The following COQ8A variants were observed in gnomAD, a reference collection of about 807,000 sequenced individuals.
COQ8A encodes the protein atypical kinase COQ8A, mitochondrial.
In COQ8A, 51 loss-of-function variants were observed where a neutral mutation model predicts 65.0. That is an observed-to-expected ratio of 0.78 (90% CI 0.63 to 0.99). The LOEUF is 0.99. Ranked by LOEUF, COQ8A falls within the 50% of genes least tolerant of loss-of-function variation. COQ8A has a pLI of 0.00. For missense variants in COQ8A, 940 were observed against 875.0 expected, an observed-to-expected ratio of 1.07 and a Z score of -0.94; for synonymous variants, 371 against 353.2, an observed-to-expected ratio of 1.05 and a Z score of -0.57.
chr1:226,984,017 T>G, intron 10 of COQ8A, 77 bp from the exon 11 acceptor site: 2 of 1,396,646 alleles, frequency 1.4e-6, no homozygotes, highest in Non-Finnish European at 1.9e-6. Flanking sequence ...GCCCTCTGCC[T>G]GGTTGGGGGG....
Position 226,982,725 on chromosome 1 carries a change from CG to C in COQ8A, c.903del (p.Gln302ArgfsTer8). The C allele has an allele frequency of 1.2e-6, 2 of 1,613,674 alleles. No homozygotes were observed. Among genetic ancestry groups the C allele is most frequent in the Non-Finnish European group, 1.7e-6 (2 of 1,180,024 alleles). On this transcript the variant is annotated frameshift_variant, in exon 7 of 15. Coordinates refer to ENST00000366777, the MANE Select transcript of COQ8A (RefSeq NM_020247.5). LOFTEE classifies it high-confidence loss of function. ...PHLAKIFERV[R>X]QSADFMPLKQ... The stretch of plus-strand genomic sequence containing the variant: ...CCTGGCTAAGATCTTCGAGCGGGTG[CG>C]GCAGAGCGCGGACTTCATGCCACTG...
At chr1:226,983,479 T>C (rs977584441) in intron 8 of COQ8A, 73 bp from the exon 9 acceptor site, 3 of 1,409,930 alleles carry the variant, frequency 2.1e-6, no homozygotes, top group Non-Finnish European at 3.0e-6. Flanking sequence ...CAGTTGGGGG[T>C]TGGGGGAGTG....
chr1:226,981,768 TTGTG>T (rs976040673), intron 5 of COQ8A, among the ~76,000 whole-genome samples: 1 of 152,070 alleles, frequency 6.6e-6, no homozygotes, highest in Non-Finnish European at 1.5e-5. Flanking sequence ...GAGAGGCCCT[TTGTG>T]TGTGTGCGTT....
chr1:226,966,736 T>C (rs546048991), intron 4 of COQ8A, among the ~76,000 whole-genome samples: 2 of 151,600 alleles, frequency 1.3e-5, no homozygotes, highest in African/African-American at 4.9e-5. Context: ...CCATCCATCA[T>C]ACATGCTGTT....
intron 5 of COQ8A, among the ~76,000 whole-genome samples, chr1:226,977,989 A>T (rs1659354837): frequency 7.1e-6 from 1 of 140,540 alleles, no homozygotes; most frequent in South Asian, 2.3e-4. Context: ...GAACACCCAC[A>T]CACCTCCTTA....
rs1397581552 is a variant in COQ8A, at chr1:226,976,183, CGGGACTGCGGGGCTGT to C, written c.656-1256_656-1241del. On this transcript the variant is annotated intron_variant, in intron 4 of 14. Transcript: ENST00000366777. ...GCGATGTTGCCTGGCTGCGGGGCTG[CGGGACTGCGGGGCTGT>C]GGGACTGCGATGTTGCCTGGCTGCG... Among the ~76,000 whole-genome samples, 252 of 6,956 alleles carry C rather than the reference CGGGACTGCGGGGCTGT, an allele frequency of 0.036. 11 individuals carry two copies. Among genetic ancestry groups the C allele is most frequent in the East Asian group, 0.27 (174 of 642 alleles). The allele number at this position is 6,956 out of a possible 152,430, so 4.6% of individuals were successfully genotyped here.
rs868500218 is a variant in COQ8A, at chr1:226,986,805, C to T, written c.*68C>T. The T allele has an allele frequency of 1.2e-5, 18 of 1,559,494 alleles. No homozygotes were observed. The East Asian group carries it at 1.2e-4, about 10-fold the overall frequency. On this transcript the variant is annotated 3_prime_UTR_variant, in exon 15 of 15. Transcript: ENST00000366777. Reference sequence around the variant, plus strand: ...CCTCAGACAGGCCAAAAACCAGTAGCGAGGTCGTGGTGATGCTCTTTTTAA... The same window carrying T: ...CCTCAGACAGGCCAAAAACCAGTAGTGAGGTCGTGGTGATGCTCTTTTTAA...
intron 6 of COQ8A, 45 bp downstream of exon 6, chr1:226,982,194 T>TG (rs537948398): frequency 1.7e-5 from 27 of 1,543,208 alleles, no homozygotes; most frequent in South Asian, 3.6e-5. Context: ...CGTGGGCTGC[T>TG]GGGGGGGTCA....
intron 14 of COQ8A, 144 bp downstream of exon 14, chr1:226,985,484 G>A (rs945680692): frequency 4.7e-6 from 4 of 849,256 alleles, no homozygotes; most frequent in Middle Eastern, 3.1e-4. Context: ...GAAAGCTGGG[G>A]CCCACCCCGG....
intron 4 of COQ8A, among the ~76,000 whole-genome samples, chr1:226,976,342 G>A (rs1008333708): frequency 7.3e-5 from 11 of 150,572 alleles, no homozygotes; most frequent in Admixed American, 3.3e-4. Flanking sequence ...CTGCGGGACT[G>A]CGGGGCTGTG....
rs1044182201 is a variant in COQ8A at position 226,949,581 on chromosome 1, C to T, written c.-10+9182C>T. On this transcript the variant is annotated intron_variant, in intron 1 of 14. Transcript: ENST00000366777. This position sits in a 1 kb window ranked among gnomAD's most constrained non-coding sequence, Gnocchi z 4.0. ...CTCTCCTGAATGATGCCTCATACCA[C>T]AGCACTAAATAAACCACACTGGTCC... Among the ~76,000 whole-genome samples the T allele has an allele frequency of 1.3e-5, 2 of 152,108 alleles. No individual in the cohort carries two copies. Among genetic ancestry groups the T allele is most frequent in the South Asian group, 2.1e-4 (1 of 4,830 alleles).
chr1:226,975,110 G>C (rs1193417084), intron 4 of COQ8A: 1 of 152,296 alleles, frequency 6.6e-6, no homozygotes, highest in African/African-American at 2.4e-5. Flanking sequence ...AATGTTGCCT[G>C]TCTCCGTTTA....
Position 226,978,828 on chromosome 1 carries a change from ACCT to A in COQ8A, c.730+1309_730+1311del, listed in dbSNP as rs1419653136. 3.9e-5 allele frequency among the ~76,000 whole-genome samples: 3 copies of A among 76,318 alleles called. 1 individual carries two copies. The highest frequency in any genetic ancestry group is 8.8e-5 in the Non-Finnish European group (3 of 34,038). 50.1% of individuals were successfully genotyped at this position (76,318 alleles called of 152,430 possible). A position where few individuals can be genotyped will look rare whatever the true frequency, so the allele number is the denominator to read the frequency against. ...CTCCTTACACACCCTCCATGCACAC[ACCT>A]CCTTACACACCCACCTCATACCTGC... On this transcript the variant is annotated intron_variant, in intron 5 of 14. Coordinates refer to ENST00000366777, the MANE Select transcript of COQ8A (RefSeq NM_020247.5).
chr1:226,966,056 G>C (rs1309587035), intron 4 of COQ8A, among the ~76,000 whole-genome samples: 1 of 152,262 alleles, frequency 6.6e-6, no homozygotes, highest in Non-Finnish European at 1.5e-5. Context: ...CCCTGCCTCA[G>C]GTTCACTACC....
At chr1:226,981,575 C>T (rs1475615911) in intron 5 of COQ8A, among the ~76,000 whole-genome samples, 1 of 152,218 alleles carries the variant, frequency 6.6e-6, no homozygotes, top group Non-Finnish European at 1.5e-5. Context: ...CATGCCGACC[C>T]CACAGGTGCA....
At chr1:226,960,314 T>TGGC (rs1368018490) in intron 1 of COQ8A, among the ~76,000 whole-genome samples, 6 of 139,812 alleles carry the variant, frequency 4.3e-5, no homozygotes, top group African/African-American at 8.2e-5. Context: ...GTGGTGGCGG[T>TGGC]ACTTGGTGGT....
intron 2 of COQ8A, among the ~76,000 whole-genome samples, chr1:226,963,894 C>T (rs193283732): frequency 9.8e-5 from 15 of 152,344 alleles, no homozygotes; most frequent in East Asian, 5.8e-4. Flanking sequence ...TGTGAGCCAT[C>T]GCACTGGCAT....
rs369685061 is a variant in COQ8A, at chr1:226,985,228, C to T, written c.1573-26C>T. The T allele has an allele frequency of 2.5e-5, 40 of 1,610,244 alleles. No homozygotes were observed. The African/African-American group carries it at 3.7e-4, about 15-fold the overall frequency. ...GGAGCTGAGCTTTTCATGCTGCCCACGGTCCCCTCCTGTGCCTCTCCCCAG... is the reference window on the plus strand; with the variant it reads ...GGAGCTGAGCTTTTCATGCTGCCCATGGTCCCCTCCTGTGCCTCTCCCCAG... On this transcript the variant is annotated intron_variant, in intron 13 of 14. Coordinates refer to ENST00000366777, the MANE Select transcript of COQ8A (RefSeq NM_020247.5).
At chr1:226,949,000 C>G (rs1657209865) in intron 1 of COQ8A, among the ~76,000 whole-genome samples, 1 of 151,996 alleles carries the variant, frequency 6.6e-6, no homozygotes, top group African/African-American at 2.4e-5. Context: ...GGAAACAGGT[C>G]AGAGATGGTT....
Sources: allele counts gnomAD v4.1 joint callset (sites outside exome capture counted in the v4.1 genomes callset), GRCh38; gene constraint gnomAD v4.1.1; non-coding constraint Gnocchi (gnomAD v3.1); transcripts MANE v1.5; gene names NCBI Gene and HGNC (gene_info 2026-07-23, HGNC 2026-07-21).